The following GDPD1 variants were observed in gnomAD, a reference collection of about 807,000 sequenced individuals.
GDPD1 encodes the protein glycerophosphodiester phosphodiesterase domain containing 1, also known as lysophospholipase D GDPD1.
A neutral mutation model predicts 45.1 loss-of-function variants in GDPD1; 28 were observed. The observed-to-expected ratio is 0.62, with a 90% CI of 0.46 to 0.85. The LOEUF (loss-of-function observed/expected upper bound fraction) is 0.85. Among genes scored for constraint, GDPD1 ranks in the 40% least tolerant of loss-of-function variants. The probability of loss-of-function intolerance (pLI) is 0.00; values close to 1 mark genes in which losing one functional copy is unlikely to be tolerated. For missense variants in GDPD1, 256 were observed against 364.8 expected, an observed-to-expected ratio of 0.70 and a Z score of 2.43; for synonymous variants, 139 against 131.4, an observed-to-expected ratio of 1.06 and a Z score of -0.40.
At chr17:59,243,772 G>T (rs2047191878) in intron 2 of GDPD1, among the ~76,000 whole-genome samples, 1 of 152,164 alleles carries the variant, frequency 6.6e-6, no homozygotes, top group African/African-American at 2.4e-5. Context: ...GATCATGATT[G>T]ATAAACACTT....
chr17:59,275,052 G>A lies in GDPD1; in HGVS notation c.*1279G>A, dbSNP rs193020193. On this transcript the variant is annotated 3_prime_UTR_variant, in exon 10 of 10. Transcript: ENST00000284116. The stretch of plus-strand genomic sequence containing the variant: ...AGACAGGGTTTTGCCACGTTGGCCA[G>A]ACTGGTCTCGAACTCCTGACCTCAG... The A allele has an allele frequency of 1.9e-5, 17 of 882,492 alleles. No homozygotes were observed. The highest frequency in any genetic ancestry group is 6.4e-4 in the Middle Eastern group (2 of 3,122). 54.7% of individuals were successfully genotyped at this position (882,492 alleles called of 1,614,324 possible). A position where few individuals can be genotyped will look rare whatever the true frequency, so the allele number is the denominator to read the frequency against.
chr17:59,237,864 G>A (rs1310734985), intron 2 of GDPD1, among the ~76,000 whole-genome samples: 2 of 150,498 alleles, frequency 1.3e-5, no homozygotes, highest in African/African-American at 2.4e-5. Flanking sequence ...GAGATGAGGA[G>A]TTCGAGACCA....
intron 1 of GDPD1, among the ~76,000 whole-genome samples, chr17:59,222,889 C>G (rs1434080975): frequency 2.0e-5 from 3 of 151,984 alleles, no homozygotes; most frequent in Non-Finnish European, 4.4e-5. Flanking sequence ...TGTTGTTTAC[C>G]GATTTACAAA....
chr17:59,255,762 AATATATATAT>A (rs1203946108), intron 4 of GDPD1, among the ~76,000 whole-genome samples: 11 of 44,356 alleles, frequency 2.5e-4, no homozygotes, highest in Non-Finnish European at 3.5e-4. Context: ...AAAAAAAAAA[AATATATATAT>A]ATATATATAT....
At chr17:59,253,241 TTCC>T in intron 4 of GDPD1, among the ~76,000 whole-genome samples, 1 of 152,292 alleles carries the variant, frequency 6.6e-6, no homozygotes, top group East Asian at 1.9e-4. Flanking sequence ...TCCTGTTATT[TTCC>T]TCTTTTCTTT....
chr17:59,275,200 T>C lies in GDPD1; in HGVS notation c.*1427T>C, dbSNP rs771588336. 2.9e-5 allele frequency: 44 copies of C among 1,536,588 alleles called. 1 individual carries two copies. The South Asian group carries it at 5.0e-4, about 17-fold the overall frequency. ...TTGGTAGTGTCTTGTTATTTCTAGG[T>C]GTACCTTAGTTAAAGAGGAAAAATA... On this transcript the variant is annotated 3_prime_UTR_variant, in exon 10 of 10. Transcript: ENST00000284116.
intron 1 of GDPD1, among the ~76,000 whole-genome samples, chr17:59,229,549 T>C (rs572486292): frequency 6.7e-5 from 10 of 148,796 alleles, no homozygotes; most frequent in African/African-American, 1.2e-4. Context: ...TTAGTAGAGA[T>C]GGGGGTTTCA....
At chr17:59,248,253 T>C (rs2047227293) in intron 3 of GDPD1, among the ~76,000 whole-genome samples, 1 of 151,818 alleles carries the variant, frequency 6.6e-6, no homozygotes, top group Admixed American at 6.6e-5. Flanking sequence ...GAGGTGTAAT[T>C]GTGCTACTGC....
Position 59,275,225 on chromosome 17 carries a change from A to G in GDPD1, c.*1452A>G. 1 of 1,528,524 alleles carries G rather than the reference A, an allele frequency of 6.5e-7. No homozygotes were observed. Among genetic ancestry groups the G allele is most frequent in the Non-Finnish European group, 8.8e-7 (1 of 1,139,108 alleles). The allele number at this position is 1,528,524 out of a possible 1,614,324, so 94.7% of individuals were successfully genotyped here. A position where few individuals can be genotyped will look rare whatever the true frequency, so the allele number is the denominator to read the frequency against. ...TGTACCTTAGTTAAAGAGGAAAAATAAAACGGAAAAAAGCTTGGAAATCAG... is the reference window on the plus strand; with the variant it reads ...TGTACCTTAGTTAAAGAGGAAAAATGAAACGGAAAAAAGCTTGGAAATCAG... On this transcript the variant is annotated 3_prime_UTR_variant, in exon 10 of 10. Coordinates refer to ENST00000284116, the MANE Select transcript of GDPD1 (RefSeq NM_182569.4).
Position 59,273,714 on chromosome 17 carries a change from G to A in GDPD1, c.886G>A (p.Gly296Arg). Reference sequence around the variant, plus strand: ...AAGAGCTTTTGATTTGGGAGCAACTGGGGTGATGACAGACTATCCAACAAA... The same window carrying A: ...AAGAGCTTTTGATTTGGGAGCAACTAGGGTGATGACAGACTATCCAACAAA... ...YKRAFDLGAT[G>R]VMTDYPTKLR... Residue 296 changes from glycine (G) to arginine (R), a missense_variant, in exon 10 of 10, where the codon GGG becomes AGG. Physicochemically the swap from Gly to Arg is moderately radical, Grantham distance 125 (BLOSUM62 -2). Coordinates refer to ENST00000284116, the MANE Select transcript of GDPD1 (RefSeq NM_182569.4). 1 of 1,597,500 alleles carries A rather than the reference G, an allele frequency of 6.3e-7. No homozygotes were observed. The highest frequency in any genetic ancestry group is 2.3e-5 in the East Asian group (1 of 43,992).
chr17:59,258,526 G>C (rs569640474), intron 6 of GDPD1, among the ~76,000 whole-genome samples: 41 of 152,156 alleles, frequency 2.7e-4, no homozygotes, highest in African/African-American at 9.9e-4. Context: ...CTGGGCAACA[G>C]AGCAAGACTC....
chr17:59,233,239 C>G (rs1436284125), intron 1 of GDPD1, among the ~76,000 whole-genome samples: 1 of 149,616 alleles, frequency 6.7e-6, no homozygotes, highest in Non-Finnish European at 1.5e-5. Flanking sequence ...ACAGGCCGGG[C>G]GCGGTGGCTC....
At chr17:59,250,794 G>C (rs2047247178) in intron 4 of GDPD1, among the ~76,000 whole-genome samples, 1 of 152,030 alleles carries the variant, frequency 6.6e-6, no homozygotes. Flanking sequence ...CCACCTCCTG[G>C]GTTCAAGGGA....
At chr17:59,234,364 A>G in intron 1 of GDPD1, 128 bp from the exon 2 acceptor site, 1 of 633,032 alleles carries the variant, frequency 1.6e-6, no homozygotes, top group Non-Finnish European at 2.8e-6. Flanking sequence ...AAAACCCAAA[A>G]AAACACTTGT....
chr17:59,265,188 T>G (rs1568350580), intron 6 of GDPD1, among the ~76,000 whole-genome samples: 2 of 152,060 alleles, frequency 1.3e-5, no homozygotes, highest in Non-Finnish European at 2.9e-5. Flanking sequence ...TTTTTAAAAA[T>G]ATATATTATG....
intron 3 of GDPD1, among the ~76,000 whole-genome samples, chr17:59,245,867 G>C (rs189973820): frequency 7.3e-4 from 111 of 151,840 alleles, no homozygotes; most frequent in African/African-American, 2.6e-3. Flanking sequence ...ACACCTGTAA[G>C]CCCAGCACTT....
In GDPD1 at chr17:59,267,675, T is replaced by G. The variant is rs567769502; in HGVS notation, c.710+501T>G. On this transcript the variant is annotated intron_variant, in intron 7 of 9. Coordinates refer to ENST00000284116, the MANE Select transcript of GDPD1 (RefSeq NM_182569.4). ...TACTGTTTTTATAGTGGTTTTTTGT[T>G]TTTTTTTTTTTGAGATGGAGTTTTG... Among the ~76,000 whole-genome samples, 4 of 149,376 alleles carry G rather than the reference T, an allele frequency of 2.7e-5. No homozygotes were observed. In the East Asian group the frequency reaches 5.9e-4, roughly 22 times the overall value.
chr17:59,223,214 A>C (rs2047019711), intron 1 of GDPD1, among the ~76,000 whole-genome samples: 1 of 152,220 alleles, frequency 6.6e-6, no homozygotes, highest in South Asian at 2.1e-4. Context: ...AAAAATTTCC[A>C]TTCATTATTT....
intron 8 of GDPD1, 98 bp downstream of exon 8, chr17:59,271,093 G>GTCCTTGT: frequency 2.8e-6 from 2 of 718,278 alleles, no homozygotes; most frequent in Non-Finnish European, 4.7e-6. Flanking sequence ...CATGTAATTT[G>GTCCTTGT]TAACAAGGAC....
Sources: allele counts gnomAD v4.1 joint callset (sites outside exome capture counted in the v4.1 genomes callset), GRCh38; gene constraint gnomAD v4.1.1; transcripts MANE v1.5; gene names NCBI Gene and HGNC (gene_info 2026-07-23, HGNC 2026-07-21).